Variants in MS4A18 observed in about 807,000 individuals in gnomAD.
MS4A18 encodes membrane spanning 4-domains A18, also known as membrane-spanning 4-domains subfamily A member 18.
MS4A18 carries 27 observed loss-of-function variants against 13.1 expected under a neutral mutation model. The observed-to-expected ratio is 2.06, with a 90% CI of 1.52 to 2.84. The LOEUF is 2.84. MS4A18 is among the 30% of genes most tolerant of loss of function. MS4A18 has a pLI of 0.00. For synonymous variants in MS4A18, 126 were observed against 76.5 expected (o/e 1.65, Z -3.38); for missense variants, 307 against 196.4 (o/e 1.56, Z -3.37).
At chr11:60,742,143 C>T (rs545618978) in intron 5 of MS4A18, among the ~76,000 whole-genome samples, 1 of 152,260 alleles carries the variant, frequency 6.6e-6, no homozygotes, top group African/African-American at 2.4e-5. Flanking sequence ...CTGCCCATGC[C>T]ATTGTTTTCT....
chr11:60,733,550 T>A (rs1283263864), exon 2 of MS4A18: 6 of 703,310 alleles, frequency 8.5e-6, no homozygotes, highest in Middle Eastern at 2.3e-4. Flanking sequence ...CAGATCCTCA[T>A]CGGCCTGACG....
chr11:60,732,024 G>A (rs376850019), intron 1 of MS4A18, among the ~76,000 whole-genome samples: 3 of 152,068 alleles, frequency 2.0e-5, no homozygotes, highest in South Asian at 4.2e-4. Flanking sequence ...GTGAAACCCA[G>A]GTCTGTCACC....
intron 2 of MS4A18, among the ~76,000 whole-genome samples, chr11:60,734,082 G>A (rs771288860): frequency 2.6e-5 from 4 of 151,646 alleles, no homozygotes; most frequent in Non-Finnish European, 2.9e-5. Flanking sequence ...CCCCCCACCC[G>A]CCATCTCTAC....
At chr11:60,737,526 A>G (rs1853359821) in intron 3 of MS4A18, among the ~76,000 whole-genome samples, 2 of 152,224 alleles carry the variant, frequency 1.3e-5, no homozygotes, top group African/African-American at 2.4e-5. Flanking sequence ...AGTGAGAGCA[A>G]TACCTGCCTT....
Position 60,742,368 on chromosome 11 carries a change from T to G in MS4A18, c.858+1225T>G, listed in dbSNP as rs553293382. Among the ~76,000 whole-genome samples the G allele has an allele frequency of 1.2e-4, 18 of 152,360 alleles. No individual in the cohort carries two copies. The East Asian group carries it at 2.3e-3, about 20-fold the overall frequency. On this transcript the variant is annotated intron_variant, in intron 5 of 5. Coordinates refer to ENST00000529108, the Ensembl canonical transcript of MS4A18. ...CAATTTCAGTCAGATTTGGTCCAAG[T>G]TGGTAATCCTGTTACTAATAAAATT...
chr11:60,732,730 C>CAAA (rs200295786), intron 1 of MS4A18, among the ~76,000 whole-genome samples: 34 of 70,914 alleles, frequency 4.8e-4, no homozygotes, highest in East Asian at 2.5e-3. Context: ...GACTCCGTCT[C>CAAA]AAAAAAAAAA....
At chr11:60,724,934 C>G (rs1853124132), upstream of MS4A18, among the ~76,000 whole-genome samples, 1 of 152,332 alleles carries the variant, frequency 6.6e-6, no homozygotes, top group Admixed American at 6.5e-5. Context: ...GTAGTGCCCT[C>G]CAGCAAGACA....
chr11:60,726,136 G>A (rs1853158886), upstream of MS4A18, among the ~76,000 whole-genome samples: 1 of 152,148 alleles, frequency 6.6e-6, no homozygotes, highest in Non-Finnish European at 1.5e-5. Context: ...CTATTCCTGT[G>A]GGTTGCATAA....
intron 1 of MS4A18, among the ~76,000 whole-genome samples, chr11:60,732,864 C>T (rs1377541102): frequency 6.6e-6 from 1 of 152,166 alleles, no homozygotes; most frequent in Non-Finnish European, 1.5e-5. Flanking sequence ...AATATGTAGC[C>T]TCTCAAACAT....
chr11:60,738,648 C>A (rs1225004922), intron 3 of MS4A18, among the ~76,000 whole-genome samples: 1 of 151,944 alleles, frequency 6.6e-6, no homozygotes, highest in African/African-American at 2.4e-5. Context: ...ATCTCTACAA[C>A]AAACCCCCAT....
At chr11:60,730,379 A>G (rs531715830) in intron 1 of MS4A18, among the ~76,000 whole-genome samples, 1 of 152,044 alleles carries the variant, frequency 6.6e-6, no homozygotes, top group Admixed American at 6.6e-5. Context: ...TGCCTGGCCA[A>G]CTCTTAGTAT....
At chr11:60,736,003 G>A (rs894934058) in intron 2 of MS4A18, among the ~76,000 whole-genome samples, 1 of 152,074 alleles carries the variant, frequency 6.6e-6, no homozygotes, top group Non-Finnish European at 1.5e-5. Context: ...TTACCTATAT[G>A]CCTAAGCAAC....
exon 1 of MS4A18, chr11:60,729,641 C>T (rs181509615): frequency 2.4e-4 from 169 of 702,810 alleles, no homozygotes; most frequent in Admixed American, 1.5e-3. Flanking sequence ...AATCTCCAGA[C>T]ATGGCCTGGA....
chr11:60,730,092 T>C (rs1853230987), intron 1 of MS4A18, among the ~76,000 whole-genome samples: 1 of 152,210 alleles, frequency 6.6e-6, no homozygotes, highest in South Asian at 2.1e-4. Context: ...AAAAGACCAC[T>C]GAGCAGGGAG....
At chr11:60,733,504 C>A in intron 1 of MS4A18, 30 bp from the exon 3 acceptor site, 1 of 703,134 alleles carries the variant, frequency 1.4e-6, no homozygotes, top group Non-Finnish European at 2.6e-6. Context: ...CGCAGTTCTG[C>A]TCTCTCACAG....
At chr11:60,726,750 T>TTA (rs1418444895), upstream of MS4A18, among the ~76,000 whole-genome samples, 1 of 150,574 alleles carries the variant, frequency 6.6e-6, no homozygotes, top group Non-Finnish European at 1.5e-5. Context: ...TTATTTTATT[T>TTA]TATTTTATTT....
chr11:60,733,638 A>G (rs759428863), exon 2 of MS4A18: 1 of 703,526 alleles, frequency 1.4e-6, no homozygotes, highest in South Asian at 1.5e-5. Flanking sequence ...CGCTCTGGGG[A>G]GGATTATCCG....
intron 3 of MS4A18, among the ~76,000 whole-genome samples, chr11:60,737,764 G>A (rs930971769): frequency 1.4e-4 from 22 of 152,210 alleles, no homozygotes; most frequent in African/African-American, 5.1e-4. Context: ...ATGGCTTGTC[G>A]TCTTTCTTCT....
chr11:60,735,500 ATTT>A lies in MS4A18; in HGVS notation c.592-1458_592-1456del, dbSNP rs56136215. ...AGGCGCCTGCCACCGTGCCCGGCTA[ATTT>A]TTTTTTTTTTTTTTTTTTTGTATTT... On this transcript the variant is annotated intron_variant, in intron 2 of 5. Transcript: ENST00000529108. Among the ~76,000 whole-genome samples, 5 of 110,086 alleles carry A rather than the reference ATTT, an allele frequency of 4.5e-5. No homozygotes were observed. In the East Asian group the frequency reaches 8.1e-4, roughly 18 times the overall value. 72.2% of individuals were successfully genotyped at this position (110,086 alleles called of 152,430 possible).
Sources: allele counts gnomAD v4.1 joint callset (sites outside exome capture counted in the v4.1 genomes callset), GRCh38; gene constraint gnomAD v4.1.1; transcripts MANE v1.5; gene names NCBI Gene and HGNC (gene_info 2026-07-23, HGNC 2026-07-21).